KCNH7: variants seen among roughly 807,000 people sequenced by gnomAD.
The protein encoded by KCNH7 is voltage-gated inwardly rectifying potassium channel KCNH7.
Under a neutral mutation model 120.8 loss-of-function variants are expected in KCNH7, and 49 were observed. That is an observed-to-expected ratio of 0.41 (90% CI 0.32 to 0.51). The LOEUF is 0.51. Ranked by LOEUF, KCNH7 falls within the 20% of genes least tolerant of loss-of-function variation. The pLI, the probability that KCNH7 is intolerant of heterozygous loss-of-function variation, is 0.38. For missense variants in KCNH7, 1,097 were observed against 1,446.6 expected (o/e 0.76, Z 3.92); for synonymous variants, 547 against 516.1 (o/e 1.06, Z -0.81).
intron 7 of KCNH7, among the ~76,000 whole-genome samples, chr2:162,441,339 G>A (rs1463062737): frequency 6.6e-6 from 1 of 152,132 alleles, no homozygotes; most frequent in East Asian, 1.9e-4. Context: ...ACCTGCTAAT[G>A]TTTTCCTTGC....
At chr2:162,557,910 A>C (rs1416925058) in intron 2 of KCNH7, among the ~76,000 whole-genome samples, 1 of 152,214 alleles carries the variant, frequency 6.6e-6, no homozygotes, top group East Asian at 1.9e-4. Context: ...TGCTAGTGTA[A>C]TTATACGACA....
chr2:162,768,085 T>A (rs1168733716), intron 2 of KCNH7, among the ~76,000 whole-genome samples: 1 of 152,206 alleles, frequency 6.6e-6, no homozygotes, highest in Non-Finnish European at 1.5e-5. Context: ...TGTTTTGGGT[T>A]AGCAGAGTAG....
intron 8 of KCNH7, among the ~76,000 whole-genome samples, chr2:162,426,255 T>G (rs1250781654): frequency 6.6e-6 from 1 of 151,960 alleles, no homozygotes; most frequent in African/African-American, 2.4e-5. Context: ...AATACTTATT[T>G]TTAGGAAATT....
chr2:162,670,709 T>A (rs114793705), intron 2 of KCNH7, among the ~76,000 whole-genome samples: 3,512 of 150,182 alleles, frequency 0.023, 63 homozygotes, highest in Non-Finnish European at 0.035. Context: ...TAAATATTAA[T>A]GTAGAAAAAA....
chr2:162,773,710 T>A (rs972186064), intron 2 of KCNH7, among the ~76,000 whole-genome samples: 1 of 152,200 alleles, frequency 6.6e-6, no homozygotes, highest in Non-Finnish European at 1.5e-5. Context: ...CCTGTCATTT[T>A]GTAGCTGGCA....
chr2:162,490,487 A>C (rs2105710545), intron 6 of KCNH7, among the ~76,000 whole-genome samples: 1 of 152,332 alleles, frequency 6.6e-6, no homozygotes, highest in East Asian at 1.9e-4. Flanking sequence ...AGCTGAGCTA[A>C]AGAGCAAGAA....
At position 162,570,532 on chromosome 2, in the gene KCNH7, T is replaced by A. The variant is rs1418822340; in HGVS notation, c.308-33452A>T. 5.3e-5 allele frequency among the ~76,000 whole-genome samples: 8 copies of A among 152,180 alleles called. No homozygotes were observed. In the East Asian group the frequency reaches 1.6e-3, roughly 30 times the overall value. On this transcript the variant is annotated intron_variant, in intron 2 of 15. Transcript: ENST00000332142. Reference sequence around the variant, plus strand: ...ATTGGAGCATTTAGTCCACTTATATTTAAAGTTAATATTGTTATGTGTGAA... The same window carrying A: ...ATTGGAGCATTTAGTCCACTTATATATAAAGTTAATATTGTTATGTGTGAA...
chr2:162,446,428 C>T lies in KCNH7; in HGVS notation c.1144G>A (p.Ala382Thr), dbSNP rs753135197. 1 of 1,608,512 alleles carries T rather than the reference C, an allele frequency of 6.2e-7. No individual in the cohort carries two copies. Among genetic ancestry groups the T allele is most frequent in the South Asian group, 1.1e-5 (1 of 90,370 alleles). ...AGTTTGTATTCAGGTAGGACATCTG[C>T]TCCTAAAGAGAGAACCTGAATGTGC... is the stretch of plus-strand genomic sequence containing the variant. ...EKVTQVLSLG[A>T]DVLPEYKLQT... The change falls in exon 7 of 16, where the codon GCA becomes ACA. Residue 382 changes from alanine (A) to threonine (T), a missense_variant. Transcript: ENST00000332142.
intron 2 of KCNH7, among the ~76,000 whole-genome samples, chr2:162,737,307 A>T (rs1687948620): frequency 6.6e-6 from 1 of 152,124 alleles, no homozygotes; most frequent in South Asian, 2.1e-4. Flanking sequence ...GACCCTGTTC[A>T]TGCTTATAGA....
intron 6 of KCNH7, among the ~76,000 whole-genome samples, chr2:162,500,185 T>C (rs904562939): frequency 5.4e-5 from 8 of 147,422 alleles, no homozygotes; most frequent in Non-Finnish European, 8.9e-5. Flanking sequence ...ATACAATACA[T>C]ATATTATATA....
chr2:162,515,051 C>A (rs1691231793), intron 4 of KCNH7, among the ~76,000 whole-genome samples: 2 of 151,742 alleles, frequency 1.3e-5, no homozygotes, highest in African/African-American at 4.8e-5. Context: ...CTAAAATATA[C>A]CAAATTATAA....
rs115748912 is a variant in KCNH7 at position 162,397,341 on chromosome 2, G to A, written c.2408-396C>T. Among the ~76,000 whole-genome samples the A allele has an allele frequency of 3.2e-3, 485 of 151,818 alleles. 2 individuals carry two copies. Among genetic ancestry groups the A allele is most frequent in the African/African-American group, 0.011 (463 of 41,462 alleles). Reference sequence around the variant, plus strand: ...GTCAGATTCATGATCTTTCTGTCTCGGGATGGTCTCTGCAGGTGGTGCTCA... The same window carrying A: ...GTCAGATTCATGATCTTTCTGTCTCAGGATGGTCTCTGCAGGTGGTGCTCA... On this transcript the variant is annotated intron_variant, in intron 10 of 15. Transcript: ENST00000332142.
intron 8 of KCNH7, among the ~76,000 whole-genome samples, chr2:162,424,152 G>A (rs1687787343): frequency 6.6e-6 from 1 of 151,994 alleles, no homozygotes; most frequent in South Asian, 2.1e-4. Flanking sequence ...CATTTTCATA[G>A]TATTTTTGCA....
intron 2 of KCNH7, among the ~76,000 whole-genome samples, chr2:162,738,179 G>A (rs1687987755): frequency 6.7e-6 from 1 of 149,822 alleles, no homozygotes; most frequent in Non-Finnish European, 1.5e-5. Flanking sequence ...AATCTTAAAA[G>A]ATAATAGTCA....
At chr2:162,835,204 C>A (rs1313654620) in intron 2 of KCNH7, among the ~76,000 whole-genome samples, 2 of 152,022 alleles carry the variant, frequency 1.3e-5, no homozygotes, top group African/African-American at 4.8e-5. Context: ...GATACGTATA[C>A]TATTGCTTTC....
chr2:162,695,359 A>G (rs1686253582), intron 2 of KCNH7, among the ~76,000 whole-genome samples: 2 of 152,136 alleles, frequency 1.3e-5, no homozygotes, highest in Admixed American at 1.3e-4. Context: ...ATAGTTTTCA[A>G]ATTTGCCCAA....
At chr2:162,801,465 T>C (rs1472200500) in intron 2 of KCNH7, among the ~76,000 whole-genome samples, 1 of 151,762 alleles carries the variant, frequency 6.6e-6, no homozygotes, top group East Asian at 1.9e-4. Context: ...AAGTAATTTC[T>C]TGAAGCACCA....
At chr2:162,687,541 T>G (rs1301498959) in intron 2 of KCNH7, among the ~76,000 whole-genome samples, 1 of 152,144 alleles carries the variant, frequency 6.6e-6, no homozygotes, top group East Asian at 1.9e-4. Context: ...CCTGTGACTA[T>G]GCAATTTTTC....
At chr2:162,800,198 T>C (rs929624580) in intron 2 of KCNH7, among the ~76,000 whole-genome samples, 8 of 151,664 alleles carry the variant, frequency 5.3e-5, no homozygotes, top group Non-Finnish European at 8.9e-5. Flanking sequence ...AATAACCAGA[T>C]GTAGCATTGT....
Sources: gnomAD v4.1 joint callset for allele counts (sites outside exome capture counted in the v4.1 genomes callset) on GRCh38, gnomAD v4.1.1 for gene constraint, MANE v1.5 for transcripts, NCBI Gene and HGNC (gene_info 2026-07-23, HGNC 2026-07-21) for gene names.